RNGTT: variants seen among roughly 807,000 people sequenced by gnomAD.
RNGTT encodes the protein RNA guanylyltransferase and 5'-phosphatase.
Under a neutral mutation model 79.3 loss-of-function variants are expected in RNGTT, and 33 were observed. The ratio of observed to expected loss-of-function variants is 0.42; its 90% CI spans 0.32 to 0.56. RNGTT has a LOEUF of 0.56. RNGTT is among the 20% of genes least tolerant of loss of function. The pLI, the probability that RNGTT is intolerant of heterozygous loss-of-function variation, is 0.17. For synonymous variants in RNGTT, 222 were observed against 235.9 expected, an observed-to-expected ratio of 0.94 and a Z score of 0.54; for missense variants, 497 against 739.1, an observed-to-expected ratio of 0.67 and a Z score of 3.80.
chr6:88,807,892 A>T (rs1293871546), intron 11 of RNGTT, among the ~76,000 whole-genome samples: 1 of 152,202 alleles, frequency 6.6e-6, no homozygotes, highest in East Asian at 1.9e-4. Flanking sequence ...GAGACAATGA[A>T]ACCTCACCTT....
chr6:88,918,483 G>A (rs926708637), intron 4 of RNGTT, among the ~76,000 whole-genome samples: 1 of 152,070 alleles, frequency 6.6e-6, no homozygotes, highest in African/African-American at 2.4e-5. Flanking sequence ...TTTTTCAGCG[G>A]GAGGGGATTA....
At chr6:88,733,749 A>G (rs1252478812) in intron 13 of RNGTT, among the ~76,000 whole-genome samples, 1 of 152,058 alleles carries the variant, frequency 6.6e-6, no homozygotes, top group African/African-American at 2.4e-5. Context: ...GTACATAACA[A>G]GAATCGCATC....
At chr6:88,682,842 G>A (rs1775141248) in intron 13 of RNGTT, among the ~76,000 whole-genome samples, 1 of 152,006 alleles carries the variant, frequency 6.6e-6, no homozygotes, top group Non-Finnish European at 1.5e-5. Flanking sequence ...TAAGTAACCA[G>A]AAAAATCTCC....
intron 14 of RNGTT, among the ~76,000 whole-genome samples, chr6:88,670,142 A>C (rs1774577281): frequency 6.6e-6 from 1 of 152,234 alleles, no homozygotes; most frequent in African/African-American, 2.4e-5. Context: ...CTGCATATAG[A>C]TGACCAAGGC....
At chr6:88,716,874 G>A (rs1444396465) in intron 13 of RNGTT, among the ~76,000 whole-genome samples, 1 of 152,040 alleles carries the variant, frequency 6.6e-6, no homozygotes, top group Non-Finnish European at 1.5e-5. Context: ...GTTAAATGAC[G>A]AGTTACTGGG....
intron 2 of RNGTT, among the ~76,000 whole-genome samples, chr6:88,933,490 T>C (rs1784572134): frequency 6.6e-6 from 1 of 152,200 alleles, no homozygotes; most frequent in Admixed American, 6.5e-5. Context: ...ATCAGTTTTT[T>C]TTTTTTAAGA....
At chr6:88,622,970 A>AAATATTGTGT (rs1772493582) in intron 14 of RNGTT, among the ~76,000 whole-genome samples, 1 of 152,140 alleles carries the variant, frequency 6.6e-6, no homozygotes, top group African/African-American at 2.4e-5. Flanking sequence ...CCTATGGAGA[A>AAATATTGTGT]AATATTGTGT....
chr6:88,784,837 G>A (rs559453638), intron 12 of RNGTT, among the ~76,000 whole-genome samples: 15 of 151,922 alleles, frequency 9.9e-5, no homozygotes, highest in Middle Eastern at 3.4e-3. Flanking sequence ...AAATATACCC[G>A]GACAAATTCT....
rs199830252 is a variant in RNGTT at position 88,612,820 on chromosome 6, A to G, written c.1693T>C (p.Cys565Arg). The G allele has an allele frequency of 1.2e-6, 2 of 1,613,788 alleles. No homozygotes were observed. Among genetic ancestry groups the G allele is most frequent in the African/African-American group, 1.3e-5 (1 of 75,014 alleles). ...KEMLFEFIDRCTAASQGQKRK... is the reference protein window; with the variant it reads ...KEMLFEFIDRRTAASQGQKRK... ...TTCTGTCCTTGAGAAGCTGCAGTAC[A>G]TCTGTCGATGAACTCAAACAGCATC... Residue 565 changes from cysteine (C) to arginine (R), a missense_variant, in exon 16 of 16, where the codon TGT becomes CGT. Around this residue, in one of 3 missense-constraint regions of RNGTT, gnomAD observed 53 missense variants for 50.5 expected, o/e 1.05. Transcript: ENST00000369485.
At chr6:88,701,603 C>T (rs986760483) in intron 13 of RNGTT, among the ~76,000 whole-genome samples, 4 of 151,938 alleles carry the variant, frequency 2.6e-5, no homozygotes, top group Non-Finnish European at 5.9e-5. Context: ...TTGCTTTTCT[C>T]TCTGCTATTA....
intron 2 of RNGTT, among the ~76,000 whole-genome samples, chr6:88,937,199 A>G (rs1784692754): frequency 6.6e-6 from 1 of 152,142 alleles, no homozygotes; most frequent in South Asian, 2.1e-4. Flanking sequence ...ACAAAAAATT[A>G]GCCAGGCGCA....
intron 7 of RNGTT, among the ~76,000 whole-genome samples, chr6:88,891,307 G>T (rs1783040646): frequency 6.6e-6 from 1 of 152,078 alleles, no homozygotes; most frequent in South Asian, 2.1e-4. Flanking sequence ...AGATACCAAT[G>T]ATCAGCAGAA....
intron 4 of RNGTT, among the ~76,000 whole-genome samples, chr6:88,907,228 A>T (rs1437590659): frequency 6.6e-6 from 1 of 152,120 alleles, no homozygotes; most frequent in Non-Finnish European, 1.5e-5. Context: ...TCCAAATCTC[A>T]TCTCAATTTG....
At chr6:88,936,081 G>A (rs1219480527) in intron 2 of RNGTT, among the ~76,000 whole-genome samples, 2 of 152,084 alleles carry the variant, frequency 1.3e-5, no homozygotes, top group Admixed American at 1.3e-4. Flanking sequence ...CATTGTGCCT[G>A]GATAACTTTT....
intron 11 of RNGTT, among the ~76,000 whole-genome samples, chr6:88,843,977 T>C (rs1781402808): frequency 6.6e-6 from 1 of 151,148 alleles, no homozygotes; most frequent in Non-Finnish European, 1.5e-5. Context: ...CACATATATA[T>C]AAATGTATCT....
intron 2 of RNGTT, among the ~76,000 whole-genome samples, chr6:88,939,888 G>T (rs1251544045): frequency 1.3e-5 from 2 of 150,862 alleles, no homozygotes; most frequent in Non-Finnish European, 1.5e-5. Context: ...AAGTAGCTGG[G>T]ACTACAGGCA....
chr6:88,676,540 A>G (rs1774883829), intron 14 of RNGTT, among the ~76,000 whole-genome samples: 1 of 152,208 alleles, frequency 6.6e-6, no homozygotes, highest in Non-Finnish European at 1.5e-5. Flanking sequence ...TATTTCTTAG[A>G]TACAACAACA....
chr6:88,855,498 C>CAA (rs34355921), intron 8 of RNGTT, among the ~76,000 whole-genome samples: 5,639 of 108,940 alleles, frequency 0.052, 162 homozygotes, highest in African/African-American at 0.098. Flanking sequence ...TAATCAGTTC[C>CAA]AAAAAAAAAA....
rs6924911 is a variant in RNGTT, at chr6:88,668,556, T to C, written c.1506+9797A>G. On this transcript the variant is annotated intron_variant, in intron 14 of 15. Transcript: ENST00000369485. ...GCAACAAGTTAAAATAACCTTTCTG[T>C]TTTATAGTTATTATGAATGTCTAGG... Among the ~76,000 whole-genome samples, 1,184 of 152,312 alleles carry C rather than the reference T, an allele frequency of 7.8e-3. 8 individuals carry two copies. The highest frequency in any genetic ancestry group is 0.026 in the African/African-American group (1,095 of 41,554).
Sources: gnomAD v4.1 joint callset for allele counts (sites outside exome capture counted in the v4.1 genomes callset) on GRCh38, gnomAD v4.1.1 for gene constraint, gnomAD v4.1.1 regional missense constraint, MANE v1.5 for transcripts, NCBI Gene and HGNC (gene_info 2026-07-23, HGNC 2026-07-21) for gene names.